Variants in IQGAP3 observed in about 807,000 individuals in gnomAD.
The protein encoded by IQGAP3 is IQ motif containing GTPase activating protein 3.
IQGAP3 carries 165 observed loss-of-function variants against 208.2 expected under a neutral mutation model. That is an observed-to-expected ratio of 0.79 (90% CI 0.70 to 0.90). The LOEUF (loss-of-function observed/expected upper bound fraction) is 0.90. Ranked by LOEUF, IQGAP3 falls within the 40% of genes least tolerant of loss-of-function variation. The pLI is 0.00. For missense variants in IQGAP3, 1,811 were observed against 2,043.1 expected (o/e 0.89, Z 2.19); for synonymous variants, 703 against 803.6 (o/e 0.87, Z 2.12).
Position 156,540,693 on chromosome 1 carries a change from T to C in IQGAP3, c.2739+15A>G, listed in dbSNP as rs1674934851. ...AGGCAGATCTCGGGGAGGGGAGGAC[T>C]GGTGGGCCCCATACCTGCAGAGTGA... On this transcript the variant is annotated intron_variant, in intron 23 of 37. Transcript: ENST00000361170. 6.2e-7 allele frequency: 1 copy of C among 1,605,922 alleles called. No homozygotes were observed. Among genetic ancestry groups the C allele is most frequent in the African/African-American group, 1.3e-5 (1 of 74,734 alleles).
At chr1:156,539,079 G>C (rs1179594118) in intron 25 of IQGAP3, 46 bp from the exon 26 acceptor site, 1 of 1,528,648 alleles carries the variant, frequency 6.5e-7, no homozygotes, top group Non-Finnish European at 9.0e-7. Flanking sequence ...CCTCTGTGTA[G>C]GACATACCGT....
At chr1:156,527,870 G>GA (rs2102345918) in intron 37 of IQGAP3, 82 bp downstream of exon 37, 1 of 907,780 alleles carries the variant, frequency 1.1e-6, no homozygotes, top group Non-Finnish European at 1.8e-6. Flanking sequence ...TGAGGACTAG[G>GA]AAAGTGAGGC....
chr1:156,556,447 T>C, intron 12 of IQGAP3, 86 bp downstream of exon 12: 1 of 1,358,880 alleles, frequency 7.4e-7, no homozygotes, highest in Non-Finnish European at 1.0e-6. Flanking sequence ...CATATCGCAC[T>C]CACAAGAGGG....
At chr1:156,538,448 C>A (rs536877326) in intron 26 of IQGAP3, among the ~76,000 whole-genome samples, 30 of 152,318 alleles carry the variant, frequency 2.0e-4, no homozygotes, top group Admixed American at 9.8e-4. Flanking sequence ...CTTGAGCCCC[C>A]CAAAGTGCTG....
intron 19 of IQGAP3, among the ~76,000 whole-genome samples, chr1:156,546,998 G>A (rs893761864): frequency 1.4e-4 from 21 of 152,240 alleles, no homozygotes; most frequent in Admixed American, 1.4e-3. Context: ...TTAGTGCCAA[G>A]TGGCATGCTC....
At chr1:156,547,931 T>G in intron 19 of IQGAP3, 142 bp downstream of exon 19, 1 of 745,548 alleles carries the variant, frequency 1.3e-6, no homozygotes, top group Non-Finnish European at 2.2e-6. Context: ...ATACATGGTC[T>G]GGCTCCAGAA....
In IQGAP3 at chr1:156,537,180, C is replaced by A; in HGVS notation, c.3422+1G>T. 1.2e-6 allele frequency: 2 copies of A among 1,612,348 alleles called. No homozygotes were observed. Among genetic ancestry groups the A allele is most frequent in the Admixed American group, 1.7e-5 (1 of 59,826 alleles). ...GGCTGGGGTGGGGCTGTTGCACATA[C>A]GGAATTTGGTCCACAGATGAGGTGA... is the stretch of plus-strand genomic sequence containing the variant. On this transcript the variant is annotated splice_donor_variant, in intron 27 of 37. Coordinates refer to ENST00000361170, the MANE Select transcript of IQGAP3 (RefSeq NM_178229.5). LOFTEE classifies it high-confidence loss of function.
At chr1:156,550,012 G>A (rs574940499) in intron 16 of IQGAP3, among the ~76,000 whole-genome samples, 1 of 152,186 alleles carries the variant, frequency 6.6e-6, no homozygotes, top group African/African-American at 2.4e-5. Flanking sequence ...AGTGTTCACA[G>A]GAAGGCATAG....
intron 2 of IQGAP3, among the ~76,000 whole-genome samples, chr1:156,567,390 A>C (rs1346395501): frequency 1.3e-5 from 2 of 152,156 alleles, no homozygotes; most frequent in Non-Finnish European, 2.9e-5. Flanking sequence ...CCCCTTTCCA[A>C]CCATCTTCCC....
chr1:156,531,792 ATGGGGTTTCACC>A (rs1674422510), intron 32 of IQGAP3, among the ~76,000 whole-genome samples: 1 of 151,466 alleles, frequency 6.6e-6, no homozygotes, highest in African/African-American at 2.4e-5. Flanking sequence ...TTCAGTAGAG[ATGGGGTTTCACC>A]ATGTTGGCCA....
intron 22 of IQGAP3, 75 bp downstream of exon 22, chr1:156,543,906 G>T: frequency 7.9e-7 from 1 of 1,269,594 alleles, no homozygotes; most frequent in Non-Finnish European, 1.2e-6. Flanking sequence ...AGTCGCAGAA[G>T]GATGTCTAGA....
At chr1:156,562,332 C>CT (rs943862586) in intron 9 of IQGAP3, among the ~76,000 whole-genome samples, 1 of 152,222 alleles carries the variant, frequency 6.6e-6, no homozygotes, top group South Asian at 2.1e-4. Flanking sequence ...CAACTGCCCC[C>CT]CCGGCATCAA....
chr1:156,567,284 C>A (rs962732908), intron 2 of IQGAP3, among the ~76,000 whole-genome samples: 1 of 152,164 alleles, frequency 6.6e-6, no homozygotes, highest in Non-Finnish European at 1.5e-5. Context: ...CTACATGGCT[C>A]ATAACCCAGC....
rs1019452642 is a variant in IQGAP3 at position 156,527,441 on chromosome 1, G to C, written c.4782+511C>G. 3.9e-5 allele frequency among the ~76,000 whole-genome samples: 6 copies of C among 152,168 alleles called. No homozygotes were observed. In the South Asian group the frequency reaches 1.2e-3, roughly 32 times the overall value. On this transcript the variant is annotated intron_variant, in intron 37 of 37. Coordinates refer to ENST00000361170, the MANE Select transcript of IQGAP3 (RefSeq NM_178229.5). The stretch of plus-strand genomic sequence containing the variant: ...TGCAGTGAGCTGAGATTGCGCCATT[G>C]CACTCCAGCCTGGGTGACGGAGTAA...
rs1389948100 is a variant in IQGAP3, at chr1:156,538,017, G to A, written c.3282-696C>T. 2.6e-5 allele frequency among the ~76,000 whole-genome samples: 4 copies of A among 151,424 alleles called. No individual in the cohort carries two copies. The East Asian group carries it at 5.8e-4, about 22-fold the overall frequency. On this transcript the variant is annotated intron_variant, in intron 26 of 37. Transcript: ENST00000361170. ...AGTGATTCTCTTGCCTCAGCCTCCC[G>A]AGTAGCTGGGACTGCAGGAGTGCGC...
Position 156,530,336 on chromosome 1 carries a change from T to C in IQGAP3, c.4192-19A>G, listed in dbSNP as rs746505. On this transcript the variant is annotated intron_variant, in intron 33 of 37. Coordinates refer to ENST00000361170, the MANE Select transcript of IQGAP3 (RefSeq NM_178229.5). ...CTGCTTCCTGGGGACACACAGACGC[T>C]GGAGGGGTCTACCAGGTCCTACCAT... 0.24 allele frequency: 382,583 copies of C among 1,594,338 alleles called. 55,870 individuals carry two copies. Among genetic ancestry groups the C allele is most frequent in the East Asian group, 0.58 (25,810 of 44,598 alleles).
intron 36 of IQGAP3, 144 bp downstream of exon 36, chr1:156,528,365 A>G (rs1202988096): frequency 9.1e-6 from 6 of 656,232 alleles, no homozygotes; most frequent in Admixed American, 2.8e-5. Context: ...CTGTCTGGGC[A>G]TGCTCTGTCT....
intron 31 of IQGAP3, among the ~76,000 whole-genome samples, chr1:156,533,315 T>C (rs1428724672): frequency 6.6e-6 from 1 of 152,136 alleles, no homozygotes; most frequent in African/African-American, 2.4e-5. Flanking sequence ...CCACAGAGCA[T>C]ACCCTTGTGT....
At chr1:156,544,523 A>G (rs761972157) in intron 19 of IQGAP3, 51 bp from the exon 20 acceptor site, 2 of 1,497,928 alleles carry the variant, frequency 1.3e-6, no homozygotes, top group Non-Finnish European at 1.9e-6. Flanking sequence ...TCCTTTGGCC[A>G]GAAAGGCTTT....
Sources: allele counts gnomAD v4.1 joint callset (sites outside exome capture counted in the v4.1 genomes callset), GRCh38; gene constraint gnomAD v4.1.1; transcripts MANE v1.5; gene names NCBI Gene and HGNC (gene_info 2026-07-23, HGNC 2026-07-21).